Variants in MRPS9 observed in about 807,000 individuals in gnomAD.
MRPS9 encodes the protein small ribosomal subunit protein uS9m.
A neutral mutation model predicts 59.9 loss-of-function variants in MRPS9; 45 were observed. The ratio of observed to expected loss-of-function variants is 0.75; its 90% CI spans 0.59 to 0.96. The LOEUF is 0.96. Among genes scored for constraint, MRPS9 ranks in the 40% least tolerant of loss-of-function variants. The pLI, the probability that MRPS9 is intolerant of heterozygous loss-of-function variation, is 0.00. For synonymous variants in MRPS9, 171 were observed against 166.8 expected, an observed-to-expected ratio of 1.03 and a Z score of -0.19; for missense variants, 473 against 481.1, an observed-to-expected ratio of 0.98 and a Z score of 0.16.
chr2:105,098,612 A>G (rs2104473654), intron 10 of MRPS9: 1 of 152,336 alleles, frequency 6.6e-6, no homozygotes, highest in Middle Eastern at 3.4e-3. Context: ...AGTTGAAGCT[A>G]GAACTTAGGT....
intron 2 of MRPS9, among the ~76,000 whole-genome samples, chr2:105,069,540 T>A (rs1680072732): frequency 6.6e-6 from 1 of 152,186 alleles, no homozygotes; most frequent in Non-Finnish European, 1.5e-5. Flanking sequence ...AAGTTACTTA[T>A]AAATTTTGAG....
chr2:105,041,266 TGTGATTTTTATAA>T (rs1366015771), intron 1 of MRPS9, among the ~76,000 whole-genome samples: 1 of 152,224 alleles, frequency 6.6e-6, no homozygotes, highest in African/African-American at 2.4e-5. Context: ...CTATAATATT[TGTGATTTTTATAA>T]TAAGGAAAAA....
At chr2:105,039,786 T>G (rs1679470306) in intron 1 of MRPS9, among the ~76,000 whole-genome samples, 1 of 152,216 alleles carries the variant, frequency 6.6e-6, no homozygotes, top group African/African-American at 2.4e-5. Context: ...AAAGTTTCAG[T>G]AAACATCTGG....
rs528383376 is a variant in MRPS9, at chr2:105,071,547, G to A, written c.409+58G>A. On this transcript the variant is annotated intron_variant, in intron 4 of 10. Transcript: ENST00000258455. ...TTTCTTTACCGTATTCCGGTGTTAG[G>A]TTATGTATCAGCGGTTGCTCACATA... is the stretch of plus-strand genomic sequence containing the variant. The A allele has an allele frequency of 4.6e-5, 71 of 1,527,238 alleles. No homozygotes were observed. In the South Asian group the frequency reaches 6.6e-4, roughly 14 times the overall value. 94.6% of individuals were successfully genotyped at this position (1,527,238 alleles called of 1,614,324 possible). A position where few individuals can be genotyped will look rare whatever the true frequency, so the allele number is the denominator to read the frequency against.
intron 2 of MRPS9, among the ~76,000 whole-genome samples, chr2:105,063,271 G>A (rs1471465097): frequency 5.9e-5 from 9 of 152,124 alleles, no homozygotes; most frequent in Non-Finnish European, 1.2e-4. Flanking sequence ...GTAAGACCCA[G>A]TCTCTAAAAA....
intron 4 of MRPS9, among the ~76,000 whole-genome samples, chr2:105,078,648 AT>A (rs1680263469): frequency 6.6e-6 from 1 of 152,182 alleles, no homozygotes; most frequent in Non-Finnish European, 1.5e-5. Context: ...TCTTTTTAGC[AT>A]TTATTATGAA....
At chr2:105,067,064 T>A (rs1680014362) in intron 2 of MRPS9, among the ~76,000 whole-genome samples, 1 of 152,148 alleles carries the variant, frequency 6.6e-6, no homozygotes, top group Non-Finnish European at 1.5e-5. Flanking sequence ...TTTTTATTGA[T>A]CCACTGAAAA....
chr2:105,041,503 A>T (rs1269800307), intron 1 of MRPS9, among the ~76,000 whole-genome samples: 1 of 148,860 alleles, frequency 6.7e-6, no homozygotes, highest in Non-Finnish European at 1.5e-5. Flanking sequence ...CTGTAAACAC[A>T]TTCCTGTCTC....
chr2:105,049,281 C>A lies in MRPS9; in HGVS notation c.246C>A (p.Asn82Lys). ...DFIKKQIEEF[N>K]IGKRHLANMM... is the part of the protein sequence containing the mutation. ...TTAAAAAGCAGATTGAAGAGTTCAA[C>A]ATAGGAAAGAGACATTTAGCCAACA... The change falls in exon 2 of 11, where the codon AAC (asparagine) becomes AAA (lysine). Residue 82 changes from asparagine (N) to lysine (K), a missense_variant. Transcript: ENST00000258455. 1 of 1,612,916 alleles carries A rather than the reference C, an allele frequency of 6.2e-7. No homozygotes were observed. Among genetic ancestry groups the A allele is most frequent in the Non-Finnish European group, 8.5e-7 (1 of 1,179,564 alleles).
intron 1 of MRPS9, among the ~76,000 whole-genome samples, chr2:105,041,287 A>T (rs1389614315): frequency 2.0e-5 from 3 of 152,230 alleles, no homozygotes; most frequent in Non-Finnish European, 1.5e-5. Flanking sequence ...TAATAAGGAA[A>T]AACAAAAGAC....
At chr2:105,060,156 C>T (rs1275847851) in intron 2 of MRPS9, among the ~76,000 whole-genome samples, 1 of 152,006 alleles carries the variant, frequency 6.6e-6, no homozygotes, top group East Asian at 1.9e-4. Flanking sequence ...TGTGAAGTAG[C>T]CCTATTACCC....
intron 5 of MRPS9, among the ~76,000 whole-genome samples, chr2:105,084,784 C>T (rs1454013397): frequency 4.0e-5 from 6 of 151,820 alleles, no homozygotes; most frequent in Admixed American, 1.3e-4. Context: ...ATTCAGCAGT[C>T]GAAATTGCTG....
chr2:105,096,149 A>G (rs1289398891), intron 9 of MRPS9, among the ~76,000 whole-genome samples: 3 of 151,986 alleles, frequency 2.0e-5, no homozygotes, highest in Admixed American at 6.6e-5. Context: ...CCGATTTGCT[A>G]TGGCTTTTGA....
At chr2:105,091,138 G>A (rs1041161585) in intron 7 of MRPS9, among the ~76,000 whole-genome samples, 4 of 151,960 alleles carry the variant, frequency 2.6e-5, no homozygotes, top group Non-Finnish European at 4.4e-5. Flanking sequence ...TTTAATACAG[G>A]TGTACAGCTA....
chr2:105,066,772 C>G (rs1432196057), intron 2 of MRPS9, among the ~76,000 whole-genome samples: 1 of 152,076 alleles, frequency 6.6e-6, no homozygotes, highest in Non-Finnish European at 1.5e-5. Flanking sequence ...TGCCAACCAG[C>G]CTTGGGCTGC....
chr2:105,049,103 A>T, intron 1 of MRPS9, 68 bp from the exon 2 acceptor site: 1 of 1,089,976 alleles, frequency 9.2e-7, no homozygotes, highest in Non-Finnish European at 1.3e-6. Flanking sequence ...TATTTTATTT[A>T]AGGACAATGG....
chr2:105,079,979 T>G lies in MRPS9; in HGVS notation c.410-4T>G. ...TTTGCTTTCATCTGGCTTTTTTAAA[T>G]CAGCAATCCAGTGGGGAGAAGATGG... On this transcript the variant is annotated splice_region_variant and splice_polypyrimidine_tract_variant and intron_variant, in intron 4 of 10. Transcript: ENST00000258455. 1 of 1,608,914 alleles carries G rather than the reference T, an allele frequency of 6.2e-7. No individual in the cohort carries two copies. Among genetic ancestry groups the G allele is most frequent in the South Asian group, 1.1e-5 (1 of 90,284 alleles).
chr2:105,094,961 G>A (rs1024650484), intron 9 of MRPS9, among the ~76,000 whole-genome samples: 1 of 152,226 alleles, frequency 6.6e-6, no homozygotes, highest in African/African-American at 2.4e-5. Context: ...GGACATCTAT[G>A]TCTCCAGTCT....
At chr2:105,057,821 T>C (rs1413713805) in intron 2 of MRPS9, among the ~76,000 whole-genome samples, 1 of 152,252 alleles carries the variant, frequency 6.6e-6, no homozygotes, top group South Asian at 2.1e-4. Context: ...TAAAGTTTAG[T>C]TGGGAGACCT....
Sources: allele counts gnomAD v4.1 joint callset (sites outside exome capture counted in the v4.1 genomes callset), GRCh38; gene constraint gnomAD v4.1.1; transcripts MANE v1.5; gene names NCBI Gene and HGNC (gene_info 2026-07-23, HGNC 2026-07-21).